PHC2: variants seen among roughly 807,000 people sequenced by gnomAD.
The protein encoded by PHC2 is polyhomeotic-like protein 2.
Under a neutral mutation model 87.4 loss-of-function variants are expected in PHC2, and 29 were observed. The observed-to-expected ratio is 0.33, with a 90% CI of 0.25 to 0.45. PHC2 has a LOEUF of 0.45. Ranked by LOEUF, PHC2 falls within the 20% of genes least tolerant of loss-of-function variation. The pLI, the probability that PHC2 is intolerant of heterozygous loss-of-function variation, is 1.00. For synonymous variants in PHC2, 438 were observed against 461.7 expected (o/e 0.95, Z 0.66); for missense variants, 857 against 1,136.7 (o/e 0.75, Z 3.54).
At position 33,349,508 on chromosome 1, in the gene PHC2, C is replaced by A. The variant is rs1646916440; in HGVS notation, c.1558+4893G>T. On this transcript the variant is annotated intron_variant, in intron 9 of 14. Transcript: ENST00000683057. This position sits in a 1 kb window ranked among gnomAD's most constrained non-coding sequence, Gnocchi z 4.2. ...CCGCGTAGGCCCGGGCCGTTAGGGG[C>A]ACCGAGGGCGGTGCCCGACTTCCAG... 3 of 985,104 alleles carry A rather than the reference C, an allele frequency of 3.0e-6. No individual in the cohort carries two copies. The highest frequency in any genetic ancestry group is 3.6e-6 in the Non-Finnish European group (3 of 829,766). The allele number at this position is 985,104 out of a possible 1,614,324, so 61.0% of individuals were successfully genotyped here.
rs1646931728 is a variant in PHC2 at position 33,349,898 on chromosome 1, G to C, written c.1558+4503C>G. ...GGGCTGCAGCCGCCGCGGAGACAAT[G>C]CGGCGAGTCTGGGACGGCTCCCGCG... is the stretch of plus-strand genomic sequence containing the variant. On this transcript the variant is annotated intron_variant, in intron 9 of 14. Transcript: ENST00000683057. This position sits in a 1 kb window ranked among gnomAD's most constrained non-coding sequence, Gnocchi z 4.2. The C allele has an allele frequency of 1.0e-6, 1 of 977,342 alleles. No individual in the cohort carries two copies. The highest frequency in any genetic ancestry group is 1.2e-6 in the Non-Finnish European group (1 of 825,578). 60.5% of individuals were successfully genotyped at this position (977,342 alleles called of 1,614,324 possible).
chr1:33,349,265 C>T lies in PHC2; in HGVS notation c.1558+5136G>A. ...CCAGCAGTCTCGTCCCCGAACGCACCGTCCGTCCCAGGGAAGTCGCAGCGG... is the reference window on the plus strand; with the variant it reads ...CCAGCAGTCTCGTCCCCGAACGCACTGTCCGTCCCAGGGAAGTCGCAGCGG... On this transcript the variant is annotated intron_variant, in intron 9 of 14. Transcript: ENST00000683057. This position sits in a 1 kb window ranked among gnomAD's most constrained non-coding sequence, Gnocchi z 4.2. The T allele has an allele frequency of 1.0e-6, 1 of 985,330 alleles. No individual in the cohort carries two copies. Among genetic ancestry groups the T allele is most frequent in the South Asian group, 4.7e-5 (1 of 21,286 alleles). The allele number at this position is 985,330 out of a possible 1,614,324, so 61.0% of individuals were successfully genotyped here. A position where few individuals can be genotyped will look rare whatever the true frequency, so the allele number is the denominator to read the frequency against.
chr1:33,325,759 A>G, intron 14 of PHC2: 1 of 409,096 alleles, frequency 2.4e-6, no homozygotes, highest in Non-Finnish European at 5.0e-6. Context: ...AATAATTTAC[A>G]TCATGGCAAT....
At chr1:33,342,620 C>T (rs1448708636) in intron 9 of PHC2, among the ~76,000 whole-genome samples, 1 of 151,956 alleles carries the variant, frequency 6.6e-6, no homozygotes, top group Non-Finnish European at 1.5e-5. Context: ...GCAAGAGGGG[C>T]CTGAGCTCAA....
intron 1 of PHC2, among the ~76,000 whole-genome samples, chr1:33,380,836 A>G (rs1648457703): frequency 6.6e-6 from 1 of 152,024 alleles, no homozygotes; most frequent in Admixed American, 6.6e-5. Context: ...GAAACCCTCC[A>G]TGATCTGACC....
chr1:33,357,945 G>A (rs1647123739), intron 7 of PHC2, among the ~76,000 whole-genome samples: 1 of 152,212 alleles, frequency 6.6e-6, no homozygotes, highest in African/African-American at 2.4e-5. Flanking sequence ...TTCCAGGTCA[G>A]GGAGGCTAAG....
chr1:33,411,863 T>C (rs758117053), intron 1 of PHC2, among the ~76,000 whole-genome samples: 1 of 152,144 alleles, frequency 6.6e-6, no homozygotes, highest in Non-Finnish European at 1.5e-5. Context: ...CCGGGCCTGA[T>C]CATCTTTATA....
At chr1:33,422,089 C>G (rs1215588385) in intron 1 of PHC2, among the ~76,000 whole-genome samples, 1 of 152,116 alleles carries the variant, frequency 6.6e-6, no homozygotes, top group Non-Finnish European at 1.5e-5. Context: ...TGGAGGTCCC[C>G]CCATATGTGT....
At chr1:33,348,361 T>C (rs1241667170) in intron 9 of PHC2, among the ~76,000 whole-genome samples, 5 of 152,200 alleles carry the variant, frequency 3.3e-5, no homozygotes, top group African/African-American at 1.2e-4. Context: ...ATGTTCATGC[T>C]GACCTAGAAA....
chr1:33,326,146 A>C, intron 14 of PHC2: 1 of 265,670 alleles, frequency 3.8e-6, no homozygotes, highest in Non-Finnish European at 7.7e-6. Flanking sequence ...TTGGCTTCTT[A>C]CTGCTGCTCA....
intron 7 of PHC2, among the ~76,000 whole-genome samples, chr1:33,361,723 C>T (rs762557933): frequency 7.2e-5 from 11 of 152,202 alleles, no homozygotes; most frequent in Non-Finnish European, 1.6e-4. Flanking sequence ...GATATCCTGG[C>T]GATCAGTTCA....
chr1:33,347,233 A>G (rs1268931999), intron 9 of PHC2: 3 of 985,314 alleles, frequency 3.0e-6, no homozygotes, highest in African/African-American at 1.7e-5. Flanking sequence ...TAGAAAGTCA[A>G]TGACAGAGCA....
chr1:33,402,513 T>C (rs998551800), intron 1 of PHC2, among the ~76,000 whole-genome samples: 5 of 152,336 alleles, frequency 3.3e-5, no homozygotes, highest in African/African-American at 1.2e-4. Context: ...GGAATTGCTT[T>C]TTAAAGCAAA....
chr1:33,415,381 G>C (rs1387338556), intron 1 of PHC2, among the ~76,000 whole-genome samples: 2 of 152,182 alleles, frequency 1.3e-5, no homozygotes, highest in African/African-American at 4.8e-5. Context: ...TAATAGACAA[G>C]GAATTAGATA....
chr1:33,383,820 T>TG (rs1423225652), intron 1 of PHC2, among the ~76,000 whole-genome samples: 2 of 152,126 alleles, frequency 1.3e-5, no homozygotes, highest in East Asian at 3.8e-4. Context: ...CACGTGAAGA[T>TG]GGAGGCAGAG....
chr1:33,414,220 A>ACAC (rs1411308736), intron 1 of PHC2, among the ~76,000 whole-genome samples: 185 of 120,854 alleles, frequency 1.5e-3, no homozygotes, highest in African/African-American at 4.4e-3. Context: ...CACACACACA[A>ACAC]GAAAGGTTAA....
chr1:33,330,144 C>T lies in PHC2; in HGVS notation c.2075G>A (p.Gly692Glu). The T allele has an allele frequency of 6.2e-7, 1 of 1,614,206 alleles. No homozygotes were observed. The highest frequency in any genetic ancestry group is 8.5e-7 in the Non-Finnish European group (1 of 1,180,048). ...HSDRSKLQKA[G>E]AATHNRRRAS... ...CCGACGGCGGTTGTGGGTCGCAGCT[C>T]CTGCCTTCTGCAGCTTGCTCCGGTC... is the stretch of plus-strand genomic sequence containing the variant. Residue 692 changes from glycine to glutamate, a missense_variant, in exon 13 of 15, where the codon GGA becomes GAA. This residue lies in a region of PHC2 where 832 missense variants were observed against 1,081.8 expected (regional missense o/e 0.77). Transcript: ENST00000683057.
intron 7 of PHC2, among the ~76,000 whole-genome samples, chr1:33,356,269 A>ATG (rs1185464532): frequency 0.11 from 10,235 of 95,560 alleles, 705 homozygotes; most frequent in Non-Finnish European, 0.15. Context: ...ATATATATAT[A>ATG]TATATATGTA....
At chr1:33,406,724 C>T (rs1570510712) in intron 1 of PHC2, among the ~76,000 whole-genome samples, 1 of 152,096 alleles carries the variant, frequency 6.6e-6, no homozygotes, top group African/African-American at 2.4e-5. Flanking sequence ...TTCTGGGATA[C>T]CCATCTGAGA....
Sources: gnomAD v4.1 joint callset for allele counts (sites outside exome capture counted in the v4.1 genomes callset) on GRCh38, gnomAD v4.1.1 for gene constraint, gnomAD v4.1.1 regional missense constraint, Gnocchi (gnomAD v3.1) non-coding constraint, MANE v1.5 for transcripts, NCBI Gene and HGNC (gene_info 2026-07-23, HGNC 2026-07-21) for gene names.